Variants in WDR36 observed in about 807,000 individuals in gnomAD.
WDR36 encodes WD repeat domain 36.
Under a neutral mutation model 112.7 loss-of-function variants are expected in WDR36, and 63 were observed. The ratio of observed to expected loss-of-function variants is 0.56; its 90% CI spans 0.46 to 0.69. WDR36 has a LOEUF of 0.69. Among genes scored for constraint, WDR36 ranks in the 30% least tolerant of loss-of-function variants. The probability of loss-of-function intolerance (pLI) is 0.00; values close to 1 mark genes in which losing one functional copy is unlikely to be tolerated. For synonymous variants in WDR36, 410 were observed against 362.2 expected (o/e 1.13, Z -1.50); for missense variants, 1,226 against 1,070.3 (o/e 1.15, Z -2.03).
In WDR36 at chr5:111,103,643, G is replaced by C. The variant is rs958336490; in HGVS notation, c.598-143G>C. 2.9e-6 allele frequency: 3 copies of C among 1,020,468 alleles called. No homozygotes were observed. The African/African-American group carries it at 4.8e-5, about 16-fold the overall frequency. 63.2% of individuals were successfully genotyped at this position (1,020,468 alleles called of 1,614,324 possible). A position where few individuals can be genotyped will look rare whatever the true frequency, so the allele number is the denominator to read the frequency against. On this transcript the variant is annotated intron_variant, in intron 6 of 22. Coordinates refer to ENST00000513710, the MANE Select transcript of WDR36 (RefSeq NM_139281.3). The stretch of plus-strand genomic sequence containing the variant: ...CTGAATAAAAAAGTATGCTTGAATG[G>C]TAATACTTGCTGAGTTTTTCTGCCA...
In WDR36 at chr5:111,129,840, G is replaced by T. The variant is rs1457603693; in HGVS notation, c.*2957G>T. 4.8e-6 allele frequency: 1 copy of T among 207,352 alleles called. No homozygotes were observed. Among genetic ancestry groups the T allele is most frequent in the African/African-American group, 2.3e-5 (1 of 43,946 alleles). 12.8% of individuals were successfully genotyped at this position (207,352 alleles called of 1,614,324 possible). ...GTATTTTCCTCTACGACATGTTTCT[G>T]TGTGAGTAGTTAACATGTAGATCTT... On this transcript the variant is annotated 3_prime_UTR_variant, in exon 23 of 23. Coordinates refer to ENST00000513710, the MANE Select transcript of WDR36 (RefSeq NM_139281.3).
rs941287931 is a variant in WDR36 at position 111,127,438 on chromosome 5, G to C, written c.*555G>C. ...TAAAAATGCTGTTATGAAGAAAAAA[G>C]GAATGCTTTTTTCCTCGGTGGCCTT... is the stretch of plus-strand genomic sequence containing the variant. On this transcript the variant is annotated 3_prime_UTR_variant, in exon 23 of 23. Transcript: ENST00000513710. 14 of 203,612 alleles carry C rather than the reference G, an allele frequency of 6.9e-5. No homozygotes were observed. The highest frequency in any genetic ancestry group is 2.5e-4 in the African/African-American group (11 of 43,752). The allele number at this position is 203,612 out of a possible 1,614,324, so 12.6% of individuals were successfully genotyped here. A position where few individuals can be genotyped will look rare whatever the true frequency, so the allele number is the denominator to read the frequency against.
In WDR36 at chr5:111,098,599, A is replaced by C. The variant is rs149321799; in HGVS notation, c.292-123A>C. 20 of 728,348 alleles carry C rather than the reference A, an allele frequency of 2.7e-5. No individual in the cohort carries two copies. The African/African-American group carries it at 3.5e-4, about 13-fold the overall frequency. 45.1% of individuals were successfully genotyped at this position (728,348 alleles called of 1,614,324 possible). A position where few individuals can be genotyped will look rare whatever the true frequency, so the allele number is the denominator to read the frequency against. On this transcript the variant is annotated intron_variant, in intron 3 of 22. Coordinates refer to ENST00000513710, the MANE Select transcript of WDR36 (RefSeq NM_139281.3). The stretch of plus-strand genomic sequence containing the variant: ...GTGTTCATCCTAACCTTGAATAATC[A>C]AAAGTTGGGGTACATTTCTTAACAG...
rs67437234 is a variant in WDR36 at position 111,099,463 on chromosome 5, G to GTTTTTTTTTTTTT, written c.409+633_409+645dup. ...TTGGTTTTTTTTTGTTTTTTTTTTT[G>GTTTTTTTTTTTTT]TTTTTTTTTTTTTTTTTTTTTCAGT... On this transcript the variant is annotated intron_variant, in intron 4 of 22. Coordinates refer to ENST00000513710, the MANE Select transcript of WDR36 (RefSeq NM_139281.3). Among the ~76,000 whole-genome samples the GTTTTTTTTTTTTT allele has an allele frequency of 7.7e-4, 65 of 84,930 alleles. 1 individual carries two copies. Among genetic ancestry groups the GTTTTTTTTTTTTT allele is most frequent in the Non-Finnish European group, 1.1e-3 (43 of 40,396 alleles). The allele number at this position is 84,930 out of a possible 152,430, so 55.7% of individuals were successfully genotyped here.
Position 111,100,659 on chromosome 5 carries a change from C to G in WDR36, c.480C>G (p.Tyr160Ter), listed in dbSNP as rs745377435. Residue 160 changes from tyrosine to a stop codon, truncating the protein, a stop_gained, in exon 5 of 23, where the codon TAC (tyrosine) becomes TAG (stop). Coordinates refer to ENST00000513710, the MANE Select transcript of WDR36 (RefSeq NM_139281.3). LOFTEE classifies it high-confidence loss of function. ...CTGCAATTTTGCATCCAAGTACCTACTTGAATAAAATACTTCTGGGCAGTG... is the reference window on the plus strand; with the variant it reads ...CTGCAATTTTGCATCCAAGTACCTAGTTGAATAAAATACTTCTGGGCAGTG... Reference protein sequence around the residue: ...KISAILHPSTYLNKILLGSEQ... With the variant: ...KISAILHPST The G allele has an allele frequency of 1.9e-6, 3 of 1,607,742 alleles. No individual in the cohort carries two copies. Among genetic ancestry groups the G allele is most frequent in the South Asian group, 2.2e-5 (2 of 90,166 alleles).
Position 111,106,151 on chromosome 5 carries a change from A to G in WDR36, c.1180+8A>G. 6.2e-7 allele frequency: 1 copy of G among 1,606,080 alleles called. No individual in the cohort carries two copies. Among genetic ancestry groups the G allele is most frequent in the Non-Finnish European group, 8.5e-7 (1 of 1,173,596 alleles). On this transcript the variant is annotated splice_region_variant and intron_variant, in intron 11 of 22. Transcript: ENST00000513710. ...TCACAAAGTTTGCAGCAGGTAAGTAACTTCAAACTGTGTTTTGAGAAGTTC... is the reference window on the plus strand; with the variant it reads ...TCACAAAGTTTGCAGCAGGTAAGTAGCTTCAAACTGTGTTTTGAGAAGTTC...
chr5:111,105,819 T>G (rs1274201260), intron 10 of WDR36, among the ~76,000 whole-genome samples: 1 of 151,630 alleles, frequency 6.6e-6, no homozygotes, highest in Non-Finnish European at 1.5e-5. Context: ...AATTTTTAAG[T>G]TACTATCTTA....
In WDR36 at chr5:111,092,379, C is replaced by A. The variant is rs148041801; in HGVS notation, c.-78C>A. ...TCTGCAGCTCTGGCAGAGGACTGTT[C>A]CACTAGACACGCTGAAGGGACTGGG... On this transcript the variant is annotated 5_prime_UTR_variant, in exon 1 of 23. Coordinates refer to ENST00000513710, the MANE Select transcript of WDR36 (RefSeq NM_139281.3). The A allele has an allele frequency of 3.5e-4, 569 of 1,614,230 alleles. No homozygotes were observed. Among genetic ancestry groups the A allele is most frequent in the Non-Finnish European group, 4.4e-4 (514 of 1,180,044 alleles).
In WDR36 at chr5:111,126,903, CAAAG is replaced by C. The variant is rs764503121; in HGVS notation, c.*22_*25del. The C allele has an allele frequency of 1.9e-6, 3 of 1,569,038 alleles. No individual in the cohort carries two copies. The highest frequency in any genetic ancestry group is 2.3e-5 in the South Asian group (2 of 85,530). On this transcript the variant is annotated 3_prime_UTR_variant, in exon 23 of 23. Transcript: ENST00000513710. Reference sequence around the variant, plus strand: ...TTGTAAAAATAAATTTGTGACTAAACAAAGACTTTCATATTAAATGGGTTCAATT... The same window carrying C: ...TTGTAAAAATAAATTTGTGACTAAACACTTTCATATTAAATGGGTTCAATT...
At chr5:111,105,494 T>C in intron 10 of WDR36, 134 bp downstream of exon 10, 2 of 817,552 alleles carry the variant, frequency 2.4e-6, no homozygotes, top group Non-Finnish European at 4.0e-6. Context: ...ATGGAAGAGG[T>C]AGTAAGATTC....
chr5:111,107,326 A>G lies in WDR36; in HGVS notation c.1213A>G (p.Ile405Val), dbSNP rs769584440. ...EARESDWDGI[I>V]ACHQGKLSCS... ...TCGTGAAAGTGACTGGGATGGTATC[A>G]TTGCTTGCCATCAAGGTAAGCTATC... The change falls in exon 12 of 23, where the codon ATT becomes GTT. Residue 405 changes from isoleucine to valine, a missense_variant. Physicochemically the swap from Ile to Val is conservative, Grantham distance 29 (BLOSUM62 3). Transcript: ENST00000513710. The G allele has an allele frequency of 1.1e-5, 18 of 1,610,328 alleles. No individual in the cohort carries two copies. The highest frequency in any genetic ancestry group is 4.0e-5 in the African/African-American group (3 of 74,710).
At chr5:111,101,718 G>C (rs1178243185) in intron 5 of WDR36, among the ~76,000 whole-genome samples, 3 of 151,710 alleles carry the variant, frequency 2.0e-5, no homozygotes, top group African/African-American at 7.3e-5. Context: ...GATTATTAAA[G>C]GTTTGATGTT....
chr5:111,105,357 C>T lies in WDR36; in HGVS notation c.1090C>T (p.His364Tyr). The T allele has an allele frequency of 3.1e-6, 5 of 1,609,320 alleles. No individual in the cohort carries two copies. In the South Asian group the frequency reaches 5.5e-5, roughly 18 times the overall value. ...TGAAAAATTCAATAAGAGCTTGGGA[C>T]ATGGTAGGTCCTCTACAAGACAAAA... Reference protein sequence around the residue: ...VHEKFNKSLGHGLINKKRVKR... With the variant: ...VHEKFNKSLGYGLINKKRVKR... Residue 364 changes from histidine (H) to tyrosine (Y), a missense_variant, in exon 10 of 23, where the codon CAT (histidine) becomes TAT (tyrosine). Coordinates refer to ENST00000513710, the MANE Select transcript of WDR36 (RefSeq NM_139281.3).
At chr5:111,106,274 G>C (rs1228737625) in intron 11 of WDR36, 131 bp downstream of exon 11, 9 of 810,490 alleles carry the variant, frequency 1.1e-5, no homozygotes, top group Middle Eastern at 2.2e-4. Context: ...AACCCCAGGT[G>C]CATGCTGGTC....
At chr5:111,099,659 C>T (rs1246030595) in intron 4 of WDR36, among the ~76,000 whole-genome samples, 5 of 151,746 alleles carry the variant, frequency 3.3e-5, no homozygotes, top group African/African-American at 1.2e-4. Context: ...GGATCTGGTT[C>T]TTACATTCCA....
intron 21 of WDR36, 72 bp downstream of exon 21, chr5:111,124,261 G>A: frequency 8.0e-7 from 1 of 1,248,232 alleles, no homozygotes; most frequent in South Asian, 1.4e-5. Flanking sequence ...GAAATTGAAG[G>A]AAATATCAGC....
At chr5:111,102,252 C>G in intron 5 of WDR36, 93 bp from the exon 6 acceptor site, 1 of 904,762 alleles carries the variant, frequency 1.1e-6, no homozygotes, top group Non-Finnish European at 1.7e-6. Context: ...TAATAAATAT[C>G]ACCTATTATT....
At chr5:111,106,256 C>T in intron 11 of WDR36, 113 bp downstream of exon 11, 1 of 965,418 alleles carries the variant, frequency 1.0e-6, no homozygotes, top group Admixed American at 1.9e-5. Context: ...AATAAGCATT[C>T]AGAAGGTAAC....
At chr5:111,105,979 TGATA>T in intron 10 of WDR36, 74 bp from the exon 11 acceptor site, 1 of 1,127,100 alleles carries the variant, frequency 8.9e-7, no homozygotes, top group Non-Finnish European at 1.4e-6. Flanking sequence ...GTTACAAGAC[TGATA>T]GCTTTTCTTT....
Sources: gnomAD v4.1 joint callset for allele counts (sites outside exome capture counted in the v4.1 genomes callset) on GRCh38, gnomAD v4.1.1 for gene constraint, MANE v1.5 for transcripts, NCBI Gene and HGNC (gene_info 2026-07-23, HGNC 2026-07-21) for gene names.